Variants in CNTN5 observed in about 807,000 individuals in gnomAD.
CNTN5 encodes the protein contactin 5.
Under a neutral mutation model 129.1 loss-of-function variants are expected in CNTN5, and 77 were observed. The observed-to-expected ratio is 0.60, with a 90% confidence interval of 0.50 to 0.72. The LOEUF is 0.72. Among genes scored for constraint, CNTN5 ranks in the 30% least tolerant of loss-of-function variants. The pLI is 0.00. For synonymous variants in CNTN5, 509 were observed against 465.6 expected (o/e 1.09, Z -1.20); for missense variants, 1,478 against 1,328.8 (o/e 1.11, Z -1.75).
chr11:100,200,074 T>C (rs1396580662), intron 15 of CNTN5, among the ~76,000 whole-genome samples: 1 of 151,946 alleles, frequency 6.6e-6, no homozygotes, highest in Admixed American at 6.6e-5. Context: ...TTACACAAAA[T>C]GGAATATCAC....
intron 1 of CNTN5, among the ~76,000 whole-genome samples, chr11:99,061,659 AT>A (rs1306857612): frequency 6.6e-6 from 1 of 152,072 alleles, no homozygotes; most frequent in East Asian, 1.9e-4. Context: ...TGTGAGGACA[AT>A]TTTCAGTTGG....
At chr11:99,698,568 C>G (rs907511948) in intron 3 of CNTN5, among the ~76,000 whole-genome samples, 1 of 151,502 alleles carries the variant, frequency 6.6e-6, no homozygotes, top group South Asian at 2.1e-4. Context: ...CCTGCAGAGT[C>G]GCACATTATA....
chr11:99,981,062 A>C (rs1246396395), intron 8 of CNTN5, among the ~76,000 whole-genome samples: 3 of 136,480 alleles, frequency 2.2e-5, no homozygotes, highest in African/African-American at 8.0e-5. Flanking sequence ...TTTTATAGAG[A>C]GAAAGAGCCA....
intron 2 of CNTN5, among the ~76,000 whole-genome samples, chr11:99,333,636 A>T: frequency 6.6e-6 from 1 of 152,054 alleles, no homozygotes; most frequent in Non-Finnish European, 1.5e-5. Flanking sequence ...AATATATTTC[A>T]AATCTCTGAG....
At chr11:100,075,635 A>G (rs1312960645) in intron 13 of CNTN5, among the ~76,000 whole-genome samples, 6 of 152,158 alleles carry the variant, frequency 3.9e-5, no homozygotes. Flanking sequence ...ATGTGTTCAG[A>G]TTCTTCTTGG....
rs148431700 is a variant in CNTN5 at position 99,427,495 on chromosome 11, G to A, written c.-71+102011G>A. 6.9e-3 allele frequency among the ~76,000 whole-genome samples: 1,055 copies of A among 152,150 alleles called. 7 individuals carry two copies. Among genetic ancestry groups the A allele is most frequent in the African/African-American group, 0.012 (483 of 41,514 alleles). On this transcript the variant is annotated intron_variant, in intron 2 of 24. Transcript: ENST00000524871. ...AGTGAAAATTTCTTGGGCCTGGCGC[G>A]GTGGCTCACGCCTGTTATCCCAGCA...
In CNTN5 at chr11:100,268,146, A is replaced by C. The variant is rs193154960; in HGVS notation, c.2165-2946A>C. ...CCTGAGAAACCTTCATAATTGGAAC[A>C]GATTGGGTAGGAATGAGATAAAGAG... is the stretch of plus-strand genomic sequence containing the variant. On this transcript the variant is annotated intron_variant, in intron 17 of 24. Transcript: ENST00000524871. Among the ~76,000 whole-genome samples, 1,175 of 152,300 alleles carry C rather than the reference A, an allele frequency of 7.7e-3. 10 individuals carry two copies. The highest frequency in any genetic ancestry group is 0.012 in the Non-Finnish European group (785 of 68,014).
At chr11:99,348,164 C>A (rs112904596) in intron 2 of CNTN5, among the ~76,000 whole-genome samples, 1 of 151,988 alleles carries the variant, frequency 6.6e-6, no homozygotes, top group Admixed American at 6.6e-5. Context: ...ATGGTGAAAC[C>A]GCATCTCTAC....
At chr11:99,970,045 T>C (rs1951207118) in intron 8 of CNTN5, among the ~76,000 whole-genome samples, 1 of 152,200 alleles carries the variant, frequency 6.6e-6, no homozygotes, top group Admixed American at 6.5e-5. Flanking sequence ...CATAAACATT[T>C]CTGGGTCAAT....
At chr11:99,097,466 A>AT (rs1173335759) in intron 1 of CNTN5, among the ~76,000 whole-genome samples, 1 of 151,862 alleles carries the variant, frequency 6.6e-6, no homozygotes, top group Admixed American at 6.6e-5. Flanking sequence ...GACCATAAGG[A>AT]TTTTTTTCTG....
At chr11:99,565,546 A>C (rs189728571) in intron 3 of CNTN5, among the ~76,000 whole-genome samples, 1 of 152,248 alleles carries the variant, frequency 6.6e-6, no homozygotes, top group Non-Finnish European at 1.5e-5. Context: ...GCTCAGAGGA[A>C]CCTTGTCCCT....
chr11:100,141,103 C>G (rs1486425540), intron 13 of CNTN5, among the ~76,000 whole-genome samples: 1 of 152,044 alleles, frequency 6.6e-6, no homozygotes, highest in South Asian at 2.1e-4. Flanking sequence ...ATGGTGATGA[C>G]TGAAGCTTCA....
At chr11:99,236,508 A>T (rs1334425398) in intron 1 of CNTN5, among the ~76,000 whole-genome samples, 2 of 151,836 alleles carry the variant, frequency 1.3e-5, no homozygotes, top group African/African-American at 4.8e-5. Flanking sequence ...AGAGAGAGAG[A>T]GAGTCTGAAT....
chr11:99,898,667 A>G (rs1341358741), intron 6 of CNTN5, among the ~76,000 whole-genome samples: 1 of 151,992 alleles, frequency 6.6e-6, no homozygotes, highest in Non-Finnish European at 1.5e-5. Context: ...GAATATTCCT[A>G]GAAATTATGT....
intron 13 of CNTN5, among the ~76,000 whole-genome samples, chr11:100,102,826 G>C (rs1945275923): frequency 6.6e-6 from 1 of 152,036 alleles, no homozygotes; most frequent in Admixed American, 6.6e-5. Flanking sequence ...TGTATTACCA[G>C]CAATCTGAAC....
chr11:100,107,111 T>A (rs1368017967), intron 13 of CNTN5, among the ~76,000 whole-genome samples: 1 of 152,158 alleles, frequency 6.6e-6, no homozygotes, highest in Non-Finnish European at 1.5e-5. Context: ...TGAACCTAGC[T>A]TAGACATTAA....
chr11:99,950,198 G>T (rs1162682488), intron 7 of CNTN5, among the ~76,000 whole-genome samples: 4 of 152,064 alleles, frequency 2.6e-5, no homozygotes, highest in Non-Finnish European at 5.9e-5. Flanking sequence ...TGATTCTGAG[G>T]CTGGGCACAG....
chr11:99,629,906 A>G, intron 3 of CNTN5, among the ~76,000 whole-genome samples: 1 of 151,922 alleles, frequency 6.6e-6, no homozygotes, highest in East Asian at 1.9e-4. Flanking sequence ...TAAAAATAAT[A>G]CTTGATATAA....
chr11:99,911,926 A>G (rs1251260907), intron 6 of CNTN5, among the ~76,000 whole-genome samples: 1 of 151,918 alleles, frequency 6.6e-6, no homozygotes, highest in Non-Finnish European at 1.5e-5. Context: ...AACTTCCAAT[A>G]ATTTACAACA....
Sources: gnomAD v4.1 joint callset for allele counts (sites outside exome capture counted in the v4.1 genomes callset) on GRCh38, gnomAD v4.1.1 for gene constraint, MANE v1.5 for transcripts, NCBI Gene and HGNC (gene_info 2026-07-23, HGNC 2026-07-21) for gene names.